TRAF7: variants seen among roughly 807,000 people sequenced by gnomAD.
TRAF7 encodes E3 ubiquitin-protein ligase TRAF7.
A neutral mutation model predicts 89.3 loss-of-function variants in TRAF7; 45 were observed. The observed-to-expected ratio is 0.50, with a 90% CI of 0.40 to 0.65. The LOEUF (loss-of-function observed/expected upper bound fraction) is 0.65. Among genes scored for constraint, TRAF7 ranks in the 30% least tolerant of loss-of-function variants. TRAF7 has a pLI of 0.00. For synonymous variants in TRAF7, 406 were observed against 369.2 expected, an observed-to-expected ratio of 1.10 and a Z score of -1.14; for missense variants, 677 against 918.1, an observed-to-expected ratio of 0.74 and a Z score of 3.39.
chr16:2,170,400 C>T (rs570849486), intron 4 of TRAF7, among the ~76,000 whole-genome samples: 1,540 of 152,370 alleles, frequency 0.01, 9 homozygotes, highest in Non-Finnish European at 0.014. Flanking sequence ...CCCAGCACCC[C>T]GGCCCAGGCC....
chr16:2,162,148 G>A lies in TRAF7; in HGVS notation c.-38-1735G>A, dbSNP rs796407352. Among the ~76,000 whole-genome samples the A allele has an allele frequency of 1.2e-4, 19 of 152,384 alleles. 1 individual carries two copies. Among genetic ancestry groups the A allele is most frequent in the African/African-American group, 4.6e-4 (19 of 41,604 alleles). On this transcript the variant is annotated intron_variant, in intron 1 of 20. Transcript: ENST00000326181. This position sits in a 1 kb window ranked among gnomAD's most constrained non-coding sequence, Gnocchi z 5.0. ...CGCTGCCAACTGCAGGGGCTGAGAT[G>A]TCGGGTTGAGCCCGAGTCCTGAAGG...
chr16:2,174,146 C>T, intron 13 of TRAF7, 98 bp downstream of exon 13: 2 of 1,597,208 alleles, frequency 1.3e-6, no homozygotes, highest in Non-Finnish European at 1.7e-6. Context: ...ACCTTCTGGG[C>T]AGGGCCCTCT....
rs776772693 is a variant in TRAF7 at position 2,176,352 on chromosome 16, C to CT, written c.1967dup (p.Phe657LeufsTer7). On this transcript the variant is annotated frameshift_variant, in exon 20 of 21. Transcript: ENST00000326181. LOFTEE classifies it high-confidence loss of function. The stretch of plus-strand genomic sequence containing the variant: ...CGCGCTGGCTGTGTCCCGGGGCCGA[C>CT]TCTTCTCAGGGGCTGTGGATAGCAC... The CT allele has an allele frequency of 1.9e-6, 3 of 1,606,150 alleles. No homozygotes were observed. The highest frequency in any genetic ancestry group is 2.5e-6 in the Non-Finnish European group (3 of 1,178,328).
At chr16:2,170,110 C>T (rs1421067375) in intron 4 of TRAF7, among the ~76,000 whole-genome samples, 1 of 152,210 alleles carries the variant, frequency 6.6e-6, no homozygotes, top group Non-Finnish European at 1.5e-5. Context: ...CCCTGCCTTC[C>T]CTCTGAGCCT....
At chr16:2,165,775 C>G in intron 2 of TRAF7, 104 bp from the exon 3 acceptor site, 1 of 1,327,160 alleles carries the variant, frequency 7.5e-7, no homozygotes, top group Non-Finnish European at 1.1e-6. Context: ...GTGAGTGCTG[C>G]GTGGCCTGGC....
rs943491198 is a variant in TRAF7 at position 2,170,931 on chromosome 16, C to T, written c.348+201C>T. Among the ~76,000 whole-genome samples, 4 of 152,234 alleles carry T rather than the reference C, an allele frequency of 2.6e-5. No homozygotes were observed. In the East Asian group the frequency reaches 7.7e-4, roughly 29 times the overall value. ...TCCCCTGGGCATGTTCCCCCACTCC[C>T]CCTTCTCAGGGCTGCCCGGGAACTG... On this transcript the variant is annotated intron_variant, in intron 5 of 20. Transcript: ENST00000326181.
intron 2 of TRAF7, among the ~76,000 whole-genome samples, 169 bp downstream of exon 2, chr16:2,164,170 G>A (rs1006339260): frequency 4.0e-4 from 48 of 120,088 alleles, no homozygotes; most frequent in East Asian, 1.2e-3. Context: ...GCGCGCGCGC[G>A]CGCGCGCGCG....
rs1044538893 is a variant in TRAF7 at position 2,163,880 on chromosome 16, C to T, written c.-38-3C>T. ...AAGCCCCTCATTTGTGCTCCACCCA[C>T]AGGAGGTGCTTCCCAAGGACCGTAG... On this transcript the variant is annotated splice_polypyrimidine_tract_variant and splice_region_variant and intron_variant, in intron 1 of 20. Transcript: ENST00000326181. This position sits in a 1 kb window ranked among gnomAD's most constrained non-coding sequence, Gnocchi z 4.3. 6.4e-7 allele frequency: 1 copy of T among 1,570,038 alleles called. No individual in the cohort carries two copies. The highest frequency in any genetic ancestry group is 1.3e-5 in the African/African-American group (1 of 74,136).
rs2141296691 is a variant in TRAF7 at position 2,175,818 on chromosome 16, C to A, written c.1627-16C>A. On this transcript the variant is annotated splice_polypyrimidine_tract_variant and intron_variant, in intron 17 of 20. Transcript: ENST00000326181. The stretch of plus-strand genomic sequence containing the variant: ...AGCACCTGGCCTGGGACCAACTGGC[C>A]CACGATTACTCATAGATCTGGGACA... 1 of 1,611,714 alleles carries A rather than the reference C, an allele frequency of 6.2e-7. No individual in the cohort carries two copies. The highest frequency in any genetic ancestry group is 1.3e-5 in the African/African-American group (1 of 75,024).
chr16:2,176,040 C>G lies in TRAF7; in HGVS notation c.1747-9C>G. ...GTGTCTTTGACCTGCCTGTGCCCAC[C>G]CCTCCCAGGTGTGGGACATTGAGTC... On this transcript the variant is annotated splice_polypyrimidine_tract_variant and intron_variant, in intron 18 of 20. Coordinates refer to ENST00000326181, the MANE Select transcript of TRAF7 (RefSeq NM_032271.3). 5 of 1,607,744 alleles carry G rather than the reference C, an allele frequency of 3.1e-6. No homozygotes were observed. The highest frequency in any genetic ancestry group is 3.4e-6 in the Non-Finnish European group (4 of 1,176,314).
At position 2,176,732 on chromosome 16, in the gene TRAF7, C is replaced by T. The variant is rs550613452; in HGVS notation, c.*158C>T. On this transcript the variant is annotated 3_prime_UTR_variant, in exon 21 of 21. Transcript: ENST00000326181. ...AGTGCCCTCCCCGTCCCATGCTCGG[C>T]GAGCCTCCCTCTACTCGGCACTGTC... The T allele has an allele frequency of 4.2e-5, 46 of 1,087,586 alleles. No individual in the cohort carries two copies. In the South Asian group the frequency reaches 5.7e-4, roughly 13 times the overall value. The allele number at this position is 1,087,586 out of a possible 1,614,324, so 67.4% of individuals were successfully genotyped here. A position where few individuals can be genotyped will look rare whatever the true frequency, so the allele number is the denominator to read the frequency against.
intron 15 of TRAF7, 34 bp downstream of exon 15, chr16:2,175,184 C>T (rs761860161): frequency 6.2e-6 from 10 of 1,613,008 alleles, no homozygotes; most frequent in South Asian, 5.5e-5. Context: ...GGGCAGGAGG[C>T]GGCCCAGGCC....
chr16:2,175,445 G>A (rs758000676), intron 16 of TRAF7, 28 bp downstream of exon 16: 9 of 1,612,418 alleles, frequency 5.6e-6, no homozygotes, highest in Non-Finnish European at 7.6e-6. Flanking sequence ...GCCTACGTGT[G>A]TGTCACTGAG....
chr16:2,172,155 G>A, intron 7 of TRAF7, 36 bp from the exon 8 acceptor site: 1 of 1,611,244 alleles, frequency 6.2e-7, no homozygotes, highest in Non-Finnish European at 8.5e-7. Flanking sequence ...CGTGTGCCAG[G>A]CAGGCCGTGA....
At chr16:2,172,727 C>T in intron 9 of TRAF7, 128 bp downstream of exon 9, 1 of 1,199,354 alleles carries the variant, frequency 8.3e-7, no homozygotes. Flanking sequence ...GTCTGTAATC[C>T]TCTCTGAGGC....
Position 2,156,283 on chromosome 16 carries a change from A to G in TRAF7, c.-39+425A>G, listed in dbSNP as rs186098724. On this transcript the variant is annotated intron_variant, in intron 1 of 20. Transcript: ENST00000326181. Reference sequence around the variant, plus strand: ...TTTGCTGCGAGGAGCTGCCCTGTACATTGTAGGATGTGGAACAGCTTGCCT... The same window carrying G: ...TTTGCTGCGAGGAGCTGCCCTGTACGTTGTAGGATGTGGAACAGCTTGCCT... 2.7e-4 allele frequency among the ~76,000 whole-genome samples: 41 copies of G among 152,046 alleles called. No homozygotes were observed. In the East Asian group the frequency reaches 7.9e-3, roughly 29 times the overall value.
chr16:2,172,620 GGTGGGCC>G, intron 9 of TRAF7, 21 bp downstream of exon 9: 1 of 1,316,448 alleles, frequency 7.6e-7, no homozygotes, highest in Non-Finnish European at 1.1e-6. Context: ...GGCGGGCGGG[GGTGGGCC>G]GGGGTGGGCG....
Position 2,160,434 on chromosome 16 carries a change from G to A in TRAF7, c.-38-3449G>A, listed in dbSNP as rs565210339. 4.4e-4 allele frequency among the ~76,000 whole-genome samples: 66 copies of A among 150,448 alleles called. No homozygotes were observed. The South Asian group carries it at 0.012, about 27-fold the overall frequency. On this transcript the variant is annotated intron_variant, in intron 1 of 20. Transcript: ENST00000326181. ...GTGTGGACGGGCAGGTGGTGTGGAC[G>A]GGCAGGTGGTGTGGACAGGCAGGCG... is the stretch of plus-strand genomic sequence containing the variant.
chr16:2,169,953 T>G (rs2097396983), intron 4 of TRAF7, among the ~76,000 whole-genome samples: 1 of 152,020 alleles, frequency 6.6e-6, no homozygotes, highest in Non-Finnish European at 1.5e-5. Flanking sequence ...TCTTGGAAAC[T>G]TCTGGAGGTT....
Sources: gnomAD v4.1 joint callset for allele counts (sites outside exome capture counted in the v4.1 genomes callset) on GRCh38, gnomAD v4.1.1 for gene constraint, Gnocchi (gnomAD v3.1) non-coding constraint, MANE v1.5 for transcripts, NCBI Gene and HGNC (gene_info 2026-07-23, HGNC 2026-07-21) for gene names.